The following KCNH1 variants were observed in gnomAD, a reference collection of about 807,000 sequenced individuals.
The protein encoded by KCNH1 is potassium voltage-gated channel subfamily H member 1.
In KCNH1, 27 loss-of-function variants were observed where a neutral mutation model predicts 69.2. The ratio of observed to expected loss-of-function variants is 0.39; its 90% CI spans 0.29 to 0.54. The LOEUF is 0.54. Ranked by LOEUF, KCNH1 falls within the 20% of genes least tolerant of loss-of-function variation. The probability of loss-of-function intolerance (pLI) is 0.68; values close to 1 mark genes in which losing one functional copy is unlikely to be tolerated. For missense variants in KCNH1, 798 were observed against 1,261.6 expected (o/e 0.63, Z 5.57); for synonymous variants, 456 against 487.7 (o/e 0.93, Z 0.86).
chr1:210,927,620 A>T (rs886369700), intron 6 of KCNH1, among the ~76,000 whole-genome samples: 5 of 152,230 alleles, frequency 3.3e-5, no homozygotes, highest in Non-Finnish European at 7.3e-5. Flanking sequence ...TTAAAGCATA[A>T]ATCTCACAGG....
Position 210,949,824 on chromosome 1 carries a change from G to A in KCNH1, c.1033-29755C>T, listed in dbSNP as rs547614223. On this transcript the variant is annotated intron_variant, in intron 6 of 10. Coordinates refer to ENST00000271751, the MANE Select transcript of KCNH1 (RefSeq NM_172362.3). ...GTAATTATATTCTAAACACGGAGCC[G>A]CTCACTCCAATTCCAGGCCTTGGCA... Among the ~76,000 whole-genome samples, 12 of 152,254 alleles carry A rather than the reference G, an allele frequency of 7.9e-5. No homozygotes were observed. In the East Asian group the frequency reaches 1.3e-3, roughly 17 times the overall value.
In KCNH1 at chr1:210,813,617, T is replaced by C. The variant is rs571176589; in HGVS notation, c.1463-9451A>G. On this transcript the variant is annotated intron_variant, in intron 7 of 10. Coordinates refer to ENST00000271751, the MANE Select transcript of KCNH1 (RefSeq NM_172362.3). ...TTTGTTTCTTCTAATGTGATATTGA[T>C]GGAGTAAGTGTGAGGATAGTGTTTA... Among the ~76,000 whole-genome samples the C allele has an allele frequency of 3.3e-5, 5 of 152,342 alleles. No individual in the cohort carries two copies. In the South Asian group the frequency reaches 1.0e-3, roughly 32 times the overall value.
At chr1:211,046,331 T>C (rs1690094613) in intron 5 of KCNH1, among the ~76,000 whole-genome samples, 1 of 152,288 alleles carries the variant, frequency 6.6e-6, no homozygotes, top group South Asian at 2.1e-4. Flanking sequence ...CATATTCTAA[T>C]TATGTGTACC....
At chr1:211,034,246 C>T (rs1689853946) in intron 5 of KCNH1, among the ~76,000 whole-genome samples, 1 of 151,960 alleles carries the variant, frequency 6.6e-6, no homozygotes, top group African/African-American at 2.4e-5. Flanking sequence ...TAGAGCTCTA[C>T]TCAGCAATAA....
At chr1:210,694,562 T>G (rs543937447) in intron 10 of KCNH1, among the ~76,000 whole-genome samples, 1 of 152,132 alleles carries the variant, frequency 6.6e-6, no homozygotes, top group Non-Finnish European at 1.5e-5. Flanking sequence ...GAAGAAACTC[T>G]CAGCCAGTGA....
chr1:210,919,543 G>A lies in KCNH1; in HGVS notation c.1462+97C>T. 8.6e-7 allele frequency: 1 copy of A among 1,159,066 alleles called. No individual in the cohort carries two copies. Among genetic ancestry groups the A allele is most frequent in the Non-Finnish European group, 1.2e-6 (1 of 805,918 alleles). The allele number at this position is 1,159,066 out of a possible 1,614,324, so 71.8% of individuals were successfully genotyped here. ...TTAAAAAAACTCTTCCTTGTTTTAA[G>A]TTATTATTCTCCTGATCCTGCTGGC... On this transcript the variant is annotated intron_variant, in intron 7 of 10. Transcript: ENST00000271751. The surrounding 1 kb of genome is among the most constrained non-coding windows in gnomAD (Gnocchi z 4.2).
intron 5 of KCNH1, among the ~76,000 whole-genome samples, chr1:211,058,129 A>G (rs1185878772): frequency 6.6e-6 from 1 of 152,228 alleles, no homozygotes; most frequent in Non-Finnish European, 1.5e-5. Flanking sequence ...TTCTTCAAAC[A>G]TGAAGAAAAA....
intron 10 of KCNH1, among the ~76,000 whole-genome samples, chr1:210,694,950 A>AAAC (rs1421527558): frequency 6.6e-6 from 1 of 152,226 alleles, no homozygotes; most frequent in Non-Finnish European, 1.5e-5. Context: ...CTGATCTGGG[A>AAAC]AACAGCTGTA....
intron 10 of KCNH1, among the ~76,000 whole-genome samples, chr1:210,716,385 T>A (rs1042718741): frequency 1.4e-5 from 2 of 141,866 alleles, no homozygotes; most frequent in Non-Finnish European, 3.0e-5. Context: ...TGAGCAGAGA[T>A]TGTGCCACTG....
At chr1:210,914,449 G>A in intron 7 of KCNH1, among the ~76,000 whole-genome samples, 1 of 152,038 alleles carries the variant, frequency 6.6e-6, no homozygotes, top group East Asian at 1.9e-4. Context: ...AGGAGGCGGG[G>A]AAAAGCCCAT....
At chr1:210,709,261 G>T (rs1317133126) in intron 10 of KCNH1, among the ~76,000 whole-genome samples, 1 of 152,194 alleles carries the variant, frequency 6.6e-6, no homozygotes, top group Non-Finnish European at 1.5e-5. Flanking sequence ...AGGTGGGGGA[G>T]ATTTTGACAT....
chr1:211,021,243 A>C lies in KCNH1; in HGVS notation c.559-1987T>G, dbSNP rs138086156. On this transcript the variant is annotated intron_variant, in intron 5 of 10. Transcript: ENST00000271751. ...GGTGATGAGTGTACCAAAATCTCAC[A>C]AATCACCACTAAAGAACTTATTCAT... Among the ~76,000 whole-genome samples the C allele has an allele frequency of 5.0e-3, 762 of 152,246 alleles. 9 individuals are homozygous for C. Among genetic ancestry groups the C allele is most frequent in the African/African-American group, 0.017 (725 of 41,526 alleles).
intron 6 of KCNH1, among the ~76,000 whole-genome samples, chr1:211,014,307 G>C (rs1209231798): frequency 6.6e-6 from 1 of 152,158 alleles, no homozygotes; most frequent in Non-Finnish European, 1.5e-5. Flanking sequence ...TTTAGCTTCT[G>C]CTTTGACATA....
chr1:210,982,282 A>T (rs1193268126), intron 6 of KCNH1, among the ~76,000 whole-genome samples: 1 of 151,786 alleles, frequency 6.6e-6, no homozygotes, highest in Admixed American at 6.6e-5. Flanking sequence ...AGGGTAATAA[A>T]CTTTAGGGTA....
intron 6 of KCNH1, among the ~76,000 whole-genome samples, chr1:210,995,005 T>G (rs923226602): frequency 1.3e-5 from 2 of 152,232 alleles, no homozygotes; most frequent in African/African-American, 2.4e-5. Flanking sequence ...TCAAAAAACA[T>G]TAGCCAAGTC....
intron 6 of KCNH1, among the ~76,000 whole-genome samples, chr1:210,954,251 T>C (rs1688120273): frequency 6.6e-6 from 1 of 152,258 alleles, no homozygotes; most frequent in Non-Finnish European, 1.5e-5. Context: ...TTTTTATGGC[T>C]GCATTGTATT....
At position 211,023,984 on chromosome 1, in the gene KCNH1, T is replaced by C. The variant is rs1242731330; in HGVS notation, c.559-4728A>G. Among the ~76,000 whole-genome samples, 4 of 152,338 alleles carry C rather than the reference T, an allele frequency of 2.6e-5. No individual in the cohort carries two copies. In the East Asian group the frequency reaches 7.7e-4, roughly 29 times the overall value. On this transcript the variant is annotated intron_variant, in intron 5 of 10. Coordinates refer to ENST00000271751, the MANE Select transcript of KCNH1 (RefSeq NM_172362.3). ...AAGAAATGAAAAATGTTTGAGGTGA[T>C]GGAGACCTCAATTACCCCAATTTCA...
intron 7 of KCNH1, among the ~76,000 whole-genome samples, chr1:210,864,784 C>A (rs568990581): frequency 5.9e-5 from 9 of 152,202 alleles, no homozygotes; most frequent in Non-Finnish European, 1.2e-4. Flanking sequence ...GTCTCTCTTT[C>A]TTATACCTGG....
intron 7 of KCNH1, among the ~76,000 whole-genome samples, chr1:210,916,265 T>C (rs1875438): frequency 0.44 from 67,278 of 151,952 alleles, 15,162 homozygotes; most frequent in South Asian, 0.48. Flanking sequence ...TTTACAAGGA[T>C]AATTACCAAC....
Sources: gnomAD v4.1 joint callset for allele counts (sites outside exome capture counted in the v4.1 genomes callset) on GRCh38, gnomAD v4.1.1 for gene constraint, Gnocchi (gnomAD v3.1) non-coding constraint, MANE v1.5 for transcripts, NCBI Gene and HGNC (gene_info 2026-07-23, HGNC 2026-07-21) for gene names.